The following NAALADL2 variants were observed in gnomAD, a reference collection of about 807,000 sequenced individuals.
The protein encoded by NAALADL2 is inactive N-acetylated-alpha-linked acidic dipeptidase-like protein 2.
In NAALADL2, 76 loss-of-function variants were observed where a neutral mutation model predicts 87.2. That is an observed-to-expected ratio of 0.87 (90% confidence interval 0.72 to 1.05). The LOEUF is 1.05. Ranked by LOEUF, NAALADL2 falls within the 50% of genes least tolerant of loss-of-function variation. The probability of loss-of-function intolerance (pLI) is 0.00; values close to 1 mark genes in which losing one functional copy is unlikely to be tolerated. For missense variants in NAALADL2, 1,089 were observed against 945.8 expected, an observed-to-expected ratio of 1.15 and a Z score of -1.99; for synonymous variants, 354 against 331.0, an observed-to-expected ratio of 1.07 and a Z score of -0.75.
At chr3:174,767,256 G>T (rs1160282111) in intron 3 of NAALADL2, among the ~76,000 whole-genome samples, 1 of 152,164 alleles carries the variant, frequency 6.6e-6, no homozygotes, top group Admixed American at 6.5e-5. Context: ...TATCAGAGCA[G>T]ATTAGACCTT....
At chr3:174,576,318 T>C (rs1041208911) in intron 2 of NAALADL2, among the ~76,000 whole-genome samples, 3 of 152,186 alleles carry the variant, frequency 2.0e-5, no homozygotes, top group Non-Finnish European at 4.4e-5. Context: ...AGTACTGTGG[T>C]TAAAGGATAC....
chr3:175,545,961 A>G (rs918799158), intron 9 of NAALADL2, among the ~76,000 whole-genome samples: 1 of 152,166 alleles, frequency 6.6e-6, no homozygotes, highest in African/African-American at 2.4e-5. Context: ...AAATAAAAAT[A>G]ATACAGACCT....
At chr3:175,441,952 A>ATTTT (rs987959833) in intron 5 of NAALADL2, among the ~76,000 whole-genome samples, 9 of 151,468 alleles carry the variant, frequency 5.9e-5, no homozygotes, top group African/African-American at 1.9e-4. Flanking sequence ...TTTTATTTTT[A>ATTTT]TTTTTTTGAG....
chr3:175,157,114 A>G (rs1368054416), intron 2 of NAALADL2, among the ~76,000 whole-genome samples: 1 of 152,054 alleles, frequency 6.6e-6, no homozygotes, highest in Non-Finnish European at 1.5e-5. Flanking sequence ...CTTAGTTAAA[A>G]AAAAGTCATT....
intron 3 of NAALADL2, among the ~76,000 whole-genome samples, chr3:174,746,728 GAC>G (rs1253737899): frequency 1.3e-5 from 2 of 151,542 alleles, no homozygotes; most frequent in Non-Finnish European, 3.0e-5. Context: ...TGGTATAAAA[GAC>G]ACATAGACCA....
At chr3:175,129,420 T>A (rs1727460845) in intron 2 of NAALADL2, among the ~76,000 whole-genome samples, 1 of 152,200 alleles carries the variant, frequency 6.6e-6, no homozygotes, top group Admixed American at 6.5e-5. Flanking sequence ...TCCCTGGAGC[T>A]CATTAATCTT....
At chr3:175,416,520 G>A (rs568665783) in intron 5 of NAALADL2, among the ~76,000 whole-genome samples, 1 of 152,228 alleles carries the variant, frequency 6.6e-6, no homozygotes, top group East Asian at 1.9e-4. Flanking sequence ...AACAGTAAAT[G>A]ATAACAGTTA....
At chr3:174,725,947 T>C (rs531609489) in intron 2 of NAALADL2, among the ~76,000 whole-genome samples, 1 of 152,318 alleles carries the variant, frequency 6.6e-6, no homozygotes, top group African/African-American at 2.4e-5. Context: ...GCAAGTGAAT[T>C]GTTGTATTCC....
intron 5 of NAALADL2, among the ~76,000 whole-genome samples, chr3:175,433,029 A>G (rs534678450): frequency 3.3e-5 from 5 of 152,078 alleles, no homozygotes; most frequent in African/African-American, 1.2e-4. Flanking sequence ...TTTTCCGGCT[A>G]CTTTATCTCT....
At chr3:175,024,424 G>A (rs1751960108) in intron 1 of NAALADL2, among the ~76,000 whole-genome samples, 1 of 152,092 alleles carries the variant, frequency 6.6e-6, no homozygotes, top group South Asian at 2.1e-4. Context: ...AAAGGGCAAA[G>A]CGGATGCTTT....
At chr3:174,630,173 A>G (rs865946667) in intron 2 of NAALADL2, among the ~76,000 whole-genome samples, 1 of 152,152 alleles carries the variant, frequency 6.6e-6, no homozygotes, top group Non-Finnish European at 1.5e-5. Context: ...TTAAAATACA[A>G]TATTATTTAA....
intron 4 of NAALADL2, among the ~76,000 whole-genome samples, chr3:175,268,558 CT>C (rs1752322783): frequency 6.6e-6 from 1 of 151,880 alleles, no homozygotes; most frequent in African/African-American, 2.4e-5. Context: ...GTTACTATAG[CT>C]TTTTTACTTT....
At chr3:174,476,068 A>ATGT (rs1304097660) in intron 1 of NAALADL2, among the ~76,000 whole-genome samples, 1 of 151,996 alleles carries the variant, frequency 6.6e-6, no homozygotes, top group African/African-American at 2.4e-5. Flanking sequence ...ACAACTTAAA[A>ATGT]TGTTGTTGTT....
chr3:174,871,620 C>T (rs528006018), intron 1 of NAALADL2, among the ~76,000 whole-genome samples: 1 of 152,142 alleles, frequency 6.6e-6, no homozygotes, highest in Non-Finnish European at 1.5e-5. Context: ...CTAACTTGGC[C>T]GGGCACAGTG....
At chr3:174,794,981 CTTTTTTTTTTTTT>C (rs772447340) in intron 3 of NAALADL2, among the ~76,000 whole-genome samples, 5 of 66,694 alleles carry the variant, frequency 7.5e-5, no homozygotes, top group African/African-American at 3.0e-4. Flanking sequence ...TCTAGTCCAG[CTTTTTTTTTTTTT>C]TTTTTTTTTT....
intron 13 of NAALADL2, among the ~76,000 whole-genome samples, chr3:175,785,803 T>C (rs1194517365): frequency 6.6e-6 from 1 of 150,958 alleles, no homozygotes; most frequent in East Asian, 1.9e-4. Flanking sequence ...CTAGTCTTGA[T>C]GGTCTTTACA....
chr3:175,499,616 G>A (rs1006008248), intron 9 of NAALADL2, among the ~76,000 whole-genome samples: 1 of 151,828 alleles, frequency 6.6e-6, no homozygotes, highest in Non-Finnish European at 1.5e-5. Flanking sequence ...GGATTTATGC[G>A]ACAGGTCCGT....
chr3:175,182,748 C>T (rs987164222), intron 2 of NAALADL2, among the ~76,000 whole-genome samples: 4 of 151,366 alleles, frequency 2.6e-5, no homozygotes, highest in African/African-American at 9.7e-5. Context: ...GACATAATAC[C>T]ATTTGTCTAT....
At chr3:174,601,058 T>C (rs895231143) in intron 2 of NAALADL2, among the ~76,000 whole-genome samples, 1 of 152,186 alleles carries the variant, frequency 6.6e-6, no homozygotes, top group African/African-American at 2.4e-5. Flanking sequence ...GATCTATTCT[T>C]TGTGTTTCAA....
Sources: gnomAD v4.1 joint callset for allele counts (sites outside exome capture counted in the v4.1 genomes callset) on GRCh38, gnomAD v4.1.1 for gene constraint, MANE v1.5 for transcripts, NCBI Gene and HGNC (gene_info 2026-07-23, HGNC 2026-07-21) for gene names.